Variants in OXCT1 observed in about 807,000 individuals in gnomAD.
OXCT1 encodes the protein 3-oxoacid CoA-transferase 1.
OXCT1 carries 27 observed loss-of-function variants against 69.6 expected under a neutral mutation model. That is an observed-to-expected ratio of 0.39 (90% CI 0.29 to 0.54). The LOEUF is 0.54. Among genes scored for constraint, OXCT1 ranks in the 20% least tolerant of loss-of-function variants. The pLI is 0.72. For missense variants in OXCT1, 437 were observed against 650.2 expected (o/e 0.67, Z 3.57); for synonymous variants, 202 against 217.8 (o/e 0.93, Z 0.64).
intron 16 of OXCT1, among the ~76,000 whole-genome samples, chr5:41,738,779 TTC>T (rs1472548309): frequency 1.3e-5 from 2 of 152,214 alleles, no homozygotes; most frequent in African/African-American, 4.8e-5. Flanking sequence ...CTCAGTAATA[TTC>T]TGTTTTAAAA....
At chr5:41,828,872 C>T (rs2112356651) in intron 7 of OXCT1, among the ~76,000 whole-genome samples, 1 of 152,254 alleles carries the variant, frequency 6.6e-6, no homozygotes, top group African/African-American at 2.4e-5. Flanking sequence ...TTAGGCTTTG[C>T]AGGGTACACA....
intron 7 of OXCT1, among the ~76,000 whole-genome samples, chr5:41,815,005 T>C (rs1186039784): frequency 1.3e-5 from 2 of 152,158 alleles, no homozygotes; most frequent in Non-Finnish European, 2.9e-5. Context: ...CTCTCTACAA[T>C]GTCTCATTGT....
At chr5:41,772,602 T>A (rs1453707517) in intron 13 of OXCT1, among the ~76,000 whole-genome samples, 1 of 152,228 alleles carries the variant, frequency 6.6e-6, no homozygotes, top group Non-Finnish European at 1.5e-5. Flanking sequence ...GATTCTACAT[T>A]AAATTAATAA....
intron 13 of OXCT1, among the ~76,000 whole-genome samples, chr5:41,765,495 G>T (rs1245528992): frequency 1.3e-5 from 2 of 152,130 alleles, no homozygotes; most frequent in Non-Finnish European, 2.9e-5. Flanking sequence ...TCAAACTGAA[G>T]GGTTTATTTG....
chr5:41,835,212 T>C (rs935913724), intron 7 of OXCT1, among the ~76,000 whole-genome samples: 1 of 152,152 alleles, frequency 6.6e-6, no homozygotes, highest in Non-Finnish European at 1.5e-5. Context: ...GCCAATAAAT[T>C]GGAAAATCTA....
At chr5:41,852,276 A>C (rs10039091) in intron 4 of OXCT1, among the ~76,000 whole-genome samples, 1,851 of 152,320 alleles carry the variant, frequency 0.012, 38 homozygotes, top group African/African-American at 0.043. Flanking sequence ...TGGTATGTAC[A>C]GGTAACGGTG....
intron 7 of OXCT1, 60 bp downstream of exon 7, chr5:41,840,391 A>C (rs1354340983): frequency 7.9e-7 from 1 of 1,263,028 alleles, no homozygotes; most frequent in African/African-American, 1.5e-5. Context: ...CTTTTTCTTG[A>C]ATTAATACTT....
chr5:41,775,455 G>A (rs189807613), intron 13 of OXCT1, among the ~76,000 whole-genome samples: 2 of 152,322 alleles, frequency 1.3e-5, no homozygotes, highest in African/African-American at 4.8e-5. Context: ...AGGTTTGAGG[G>A]CAGGAGCACA....
chr5:41,864,795 C>T (rs1749888701), intron 1 of OXCT1, among the ~76,000 whole-genome samples: 1 of 152,172 alleles, frequency 6.6e-6, no homozygotes, highest in South Asian at 2.1e-4. Context: ...CTCCACTTCT[C>T]ATTTTTTGAT....
chr5:41,767,749 T>TATATATATATATATATAC (rs1744684129), intron 13 of OXCT1, among the ~76,000 whole-genome samples: 1 of 145,266 alleles, frequency 6.9e-6, no homozygotes, highest in South Asian at 2.2e-4. Flanking sequence ...TATATATATA[T>TATATATATATATATATAC]ATAGTGTCTA....
At chr5:41,812,284 T>C (rs560217768) in intron 7 of OXCT1, among the ~76,000 whole-genome samples, 35 of 151,964 alleles carry the variant, frequency 2.3e-4, no homozygotes, top group Non-Finnish European at 4.9e-4. Flanking sequence ...AAAAATTCAG[T>C]AAGTTCAGAG....
At chr5:41,781,197 C>T (rs1745382820) in intron 13 of OXCT1, among the ~76,000 whole-genome samples, 1 of 152,054 alleles carries the variant, frequency 6.6e-6, no homozygotes, top group South Asian at 2.1e-4. Flanking sequence ...GCCACCAAGG[C>T]CGGCTTACTG....
At chr5:41,791,318 T>A (rs574115244) in intron 13 of OXCT1, among the ~76,000 whole-genome samples, 2 of 152,346 alleles carry the variant, frequency 1.3e-5, no homozygotes, top group Non-Finnish European at 1.5e-5. Context: ...ATGCTTAATT[T>A]TTCTCAACTA....
intron 13 of OXCT1, among the ~76,000 whole-genome samples, chr5:41,784,156 A>G (rs1745540200): frequency 6.6e-6 from 1 of 152,230 alleles, no homozygotes; most frequent in Admixed American, 6.5e-5. Context: ...TTCCCATTTA[A>G]CAAGTATTGC....
intron 15 of OXCT1, among the ~76,000 whole-genome samples, chr5:41,741,430 T>C (rs1232016343): frequency 6.6e-6 from 1 of 152,182 alleles, no homozygotes; most frequent in Non-Finnish European, 1.5e-5. Flanking sequence ...TGAACCTGTC[T>C]TTGCATCTGT....
chr5:41,773,893 TA>T (rs1401262612), intron 13 of OXCT1, among the ~76,000 whole-genome samples: 1 of 152,120 alleles, frequency 6.6e-6, no homozygotes, highest in Admixed American at 6.6e-5. Flanking sequence ...TCCCTGTGAA[TA>T]AAAACCCTAG....
intron 5 of OXCT1, among the ~76,000 whole-genome samples, chr5:41,844,415 T>C (rs1241116394): frequency 1.3e-5 from 2 of 152,184 alleles, no homozygotes; most frequent in Non-Finnish European, 2.9e-5. Context: ...CCCTTCTTTT[T>C]AAAATTTCCC....
intron 7 of OXCT1, among the ~76,000 whole-genome samples, chr5:41,818,736 T>C (rs1166222442): frequency 1.3e-5 from 2 of 152,200 alleles, no homozygotes; most frequent in Non-Finnish European, 2.9e-5. Context: ...ATATGCTGCA[T>C]GCTCATACTA....
chr5:41,838,742 C>T (rs1748492285), intron 7 of OXCT1, among the ~76,000 whole-genome samples: 1 of 151,970 alleles, frequency 6.6e-6, no homozygotes, highest in Admixed American at 6.6e-5. Context: ...CCTCAGACCT[C>T]AGCTCCTGGG....
Sources: gnomAD v4.1 joint callset for allele counts (sites outside exome capture counted in the v4.1 genomes callset) on GRCh38, gnomAD v4.1.1 for gene constraint, MANE v1.5 for transcripts, NCBI Gene and HGNC (gene_info 2026-07-23, HGNC 2026-07-21) for gene names.